Variants in EPHA5 observed in about 807,000 individuals in gnomAD.
EPHA5 encodes ephrin type-A receptor 5.
Under a neutral mutation model 105.0 loss-of-function variants are expected in EPHA5, and 60 were observed. The ratio of observed to expected loss-of-function variants is 0.57; its 90% CI spans 0.46 to 0.71. The LOEUF is 0.71. EPHA5 is among the 30% of genes least tolerant of loss of function. The pLI, the probability that EPHA5 is intolerant of heterozygous loss-of-function variation, is 0.00. For missense variants in EPHA5, 1,218 were observed against 1,274.7 expected (o/e 0.96, Z 0.68); for synonymous variants, 513 against 449.1 (o/e 1.14, Z -1.80).
intron 14 of EPHA5, among the ~76,000 whole-genome samples, chr4:65,341,934 A>G (rs888620858): frequency 6.6e-6 from 1 of 152,158 alleles, no homozygotes; most frequent in Admixed American, 6.5e-5. Flanking sequence ...ATAGTTTCAG[A>G]TATATCAGTT....
intron 3 of EPHA5, among the ~76,000 whole-genome samples, chr4:65,523,531 T>C (rs1242949012): frequency 6.6e-6 from 1 of 152,020 alleles, no homozygotes; most frequent in Non-Finnish European, 1.5e-5. Context: ...AATGTTGCTT[T>C]GCCACTTGAT....
chr4:65,513,361 C>G (rs902464687), intron 3 of EPHA5, among the ~76,000 whole-genome samples: 56 of 151,888 alleles, frequency 3.7e-4, no homozygotes, highest in African/African-American at 1.3e-3. Context: ...TGTAGTATTT[C>G]AAAAGATTTG....
At chr4:65,472,920 G>C (rs902585340) in intron 5 of EPHA5, among the ~76,000 whole-genome samples, 10 of 152,174 alleles carry the variant, frequency 6.6e-5, no homozygotes, top group African/African-American at 2.4e-4. Context: ...CGAGAAAATG[G>C]GTTTTTCTTT....
intron 1 of EPHA5, among the ~76,000 whole-genome samples, chr4:65,650,887 T>C (rs1748551164): frequency 1.3e-5 from 2 of 152,220 alleles, no homozygotes; most frequent in South Asian, 4.1e-4. Context: ...ACTTCAATCT[T>C]GTAATATTCT....
chr4:65,354,141 T>C (rs1451178), intron 11 of EPHA5, among the ~76,000 whole-genome samples: 149,432 of 151,786 alleles, frequency 0.98, 73,616 homozygotes, highest in East Asian at 1. Flanking sequence ...TGCGAGTATC[T>C]GCTAAGTCAT....
intron 3 of EPHA5, among the ~76,000 whole-genome samples, chr4:65,540,992 T>G (rs1736772999): frequency 6.6e-6 from 1 of 151,268 alleles, no homozygotes; most frequent in South Asian, 2.1e-4. Context: ...CCTCTGACAA[T>G]GATGAAAATA....
Position 65,669,009 on chromosome 4 carries a change from C to T in EPHA5, c.181+553G>A, listed in dbSNP as rs1254520435. ...GAAATAAAAGCTCCTGCCACCCACC[C>T]CAGAATAGCAGCTGGTGATGCCCTA... On this transcript the variant is annotated intron_variant, in intron 1 of 16. Transcript: ENST00000613740. 2.6e-5 allele frequency among the ~76,000 whole-genome samples: 4 copies of T among 152,172 alleles called. No homozygotes were observed. In the East Asian group the frequency reaches 7.8e-4, roughly 30 times the overall value.
intron 3 of EPHA5, among the ~76,000 whole-genome samples, chr4:65,569,972 T>G (rs1739950932): frequency 6.6e-6 from 1 of 151,780 alleles, no homozygotes; most frequent in African/African-American, 2.4e-5. Context: ...GTCCTAAATT[T>G]CTAAGTTAGC....
intron 3 of EPHA5, among the ~76,000 whole-genome samples, chr4:65,585,328 A>T (rs2149404666): frequency 6.6e-6 from 1 of 152,028 alleles, no homozygotes; most frequent in Non-Finnish European, 1.5e-5. Flanking sequence ...AAGTAAAGTA[A>T]CTTTAGAAAA....
rs533838199 is a variant in EPHA5 at position 65,406,716 on chromosome 4, T to G, written c.1688-2237A>C. ...CCCTTATTTCTCTCCAAAGAATCCTTTCATTTTTTTAGAACAAACTGTTTA... is the reference window on the plus strand; with the variant it reads ...CCCTTATTTCTCTCCAAAGAATCCTGTCATTTTTTTAGAACAAACTGTTTA... On this transcript the variant is annotated intron_variant, in intron 7 of 16. Coordinates refer to ENST00000613740, the MANE Select transcript of EPHA5 (RefSeq NM_001281766.3). 4.6e-5 allele frequency among the ~76,000 whole-genome samples: 7 copies of G among 152,248 alleles called. No individual in the cohort carries two copies. The South Asian group carries it at 1.2e-3, about 27-fold the overall frequency.
At chr4:65,582,474 G>GAAAAA (rs35859138) in intron 3 of EPHA5, among the ~76,000 whole-genome samples, 1 of 139,456 alleles carries the variant, frequency 7.2e-6, no homozygotes, top group Non-Finnish European at 1.6e-5. Flanking sequence ...TAGCAATTGG[G>GAAAAA]AAAAAAAAAA....
chr4:65,570,563 C>T (rs1033566264), intron 3 of EPHA5, among the ~76,000 whole-genome samples: 2 of 151,378 alleles, frequency 1.3e-5, no homozygotes, highest in East Asian at 3.9e-4. Flanking sequence ...CAGAATAGCC[C>T]TAATCAGCCA....
intron 8 of EPHA5, among the ~76,000 whole-genome samples, chr4:65,386,875 C>T (rs987145587): frequency 2.0e-5 from 3 of 151,620 alleles, no homozygotes; most frequent in Non-Finnish European, 4.4e-5. Context: ...TTAAGAAATG[C>T]CTACCTAAAT....
At chr4:65,399,865 G>T (rs1449147761) in intron 8 of EPHA5, among the ~76,000 whole-genome samples, 2 of 152,074 alleles carry the variant, frequency 1.3e-5, no homozygotes, top group Non-Finnish European at 2.9e-5. Context: ...TATTGAGAAA[G>T]GTTCCAAAAA....
At chr4:65,427,278 G>A (rs532808800) in intron 5 of EPHA5, among the ~76,000 whole-genome samples, 5 of 145,236 alleles carry the variant, frequency 3.4e-5, no homozygotes, top group African/African-American at 1.0e-4. Flanking sequence ...TCTGCCTCCC[G>A]GGTTCAAGCG....
chr4:65,431,124 A>G (rs945198627), intron 5 of EPHA5, among the ~76,000 whole-genome samples: 4 of 152,150 alleles, frequency 2.6e-5, no homozygotes, highest in African/African-American at 9.7e-5. Context: ...AAATAAGCCA[A>G]GATAAATCCT....
At chr4:65,499,102 TCTGTTA>T (rs1398227520) in intron 3 of EPHA5, among the ~76,000 whole-genome samples, 1 of 151,654 alleles carries the variant, frequency 6.6e-6, no homozygotes, top group African/African-American at 2.4e-5. Flanking sequence ...GAGCTCTGTT[TCTGTTA>T]CTATCAGCTG....
intron 3 of EPHA5, among the ~76,000 whole-genome samples, chr4:65,589,434 C>T (rs1742426420): frequency 6.6e-6 from 1 of 152,072 alleles, no homozygotes. Flanking sequence ...AAGTTCCCTC[C>T]CCACCTCCCT....
chr4:65,620,390 C>T (rs1041849846), intron 2 of EPHA5, among the ~76,000 whole-genome samples: 2 of 151,862 alleles, frequency 1.3e-5, no homozygotes, highest in African/African-American at 4.8e-5. Flanking sequence ...AGCCAGATTC[C>T]TATAAAAAAT....
Sources: gnomAD v4.1 joint callset for allele counts (sites outside exome capture counted in the v4.1 genomes callset) on GRCh38, gnomAD v4.1.1 for gene constraint, MANE v1.5 for transcripts, NCBI Gene and HGNC (gene_info 2026-07-23, HGNC 2026-07-21) for gene names.